Variants in TMEM233 observed in about 807,000 individuals in gnomAD.
TMEM233 encodes the protein dispanin subfamily B member 2.
TMEM233 carries 6 observed loss-of-function variants against 11.2 expected under a neutral mutation model. The observed-to-expected ratio is 0.54, with a 90% CI of 0.29 to 1.06. The LOEUF (loss-of-function observed/expected upper bound fraction) is 1.06, where lower values mean the gene tolerates loss of function less well. Among genes scored for constraint, TMEM233 ranks in the 50% least tolerant of loss-of-function variants. The pLI is 0.08. For missense variants in TMEM233, 127 were observed against 144.7 expected (o/e 0.88, Z 0.63); for synonymous variants, 59 against 55.8 (o/e 1.06, Z -0.26).
In TMEM233 at chr12:119,593,874, A is replaced by G; in HGVS notation, c.26A>G (p.Asp9Gly). 1 of 1,551,620 alleles carries G rather than the reference A, an allele frequency of 6.4e-7. No individual in the cohort carries two copies. Among genetic ancestry groups the G allele is most frequent in the Non-Finnish European group, 8.7e-7 (1 of 1,146,952 alleles). MSQYAPSP[D>G]FKRALDSSPE... Reference sequence around the variant, plus strand: ...ATGTCTCAGTACGCCCCTAGCCCGGACTTCAAGAGGGCTTTGGACAGCAGT... The same window carrying G: ...ATGTCTCAGTACGCCCCTAGCCCGGGCTTCAAGAGGGCTTTGGACAGCAGT... The change falls in exon 1 of 3, where the codon GAC becomes GGC. Residue 9 changes from aspartate to glycine, a missense_variant. Coordinates refer to ENST00000426426, the MANE Select transcript of TMEM233 (RefSeq NM_001136534.3). The surrounding 1 kb of genome is among the most constrained non-coding windows in gnomAD (Gnocchi z 4.1).
chr12:119,653,612 TA>T, the TMEM233 span, among the ~76,000 whole-genome samples: 20 of 151,066 alleles, frequency 1.3e-4, no homozygotes, highest in Middle Eastern at 3.4e-3. Flanking sequence ...CTATGCAATG[TA>T]AAAAAAAATT....
intron 1 of TMEM233, among the ~76,000 whole-genome samples, chr12:119,604,832 C>G (rs1296579427): frequency 1.3e-5 from 2 of 152,034 alleles, no homozygotes; most frequent in Admixed American, 6.5e-5. Context: ...CAGGGTCTCC[C>G]TGTGTTGCCC....
intron 2 of TMEM233, among the ~76,000 whole-genome samples, chr12:119,634,039 C>A (rs1182163743): frequency 6.6e-6 from 1 of 152,220 alleles, no homozygotes; most frequent in Non-Finnish European, 1.5e-5. Context: ...TGGCAAATAT[C>A]CTGCCACCAA....
chr12:119,605,409 C>CTTT (rs6144897), intron 1 of TMEM233, among the ~76,000 whole-genome samples: 1 of 93,642 alleles, frequency 1.1e-5, no homozygotes, highest in African/African-American at 3.7e-5. Context: ...TATGCCTTTC[C>CTTT]TTTTTTTTTT....
At chr12:119,627,529 G>C (rs1247461458) in intron 1 of TMEM233, among the ~76,000 whole-genome samples, 1 of 152,170 alleles carries the variant, frequency 6.6e-6, no homozygotes, top group Non-Finnish European at 1.5e-5. Flanking sequence ...CATGTGGCAA[G>C]ACAGAGAGAG....
chr12:119,602,000 C>G (rs889017238), intron 1 of TMEM233, among the ~76,000 whole-genome samples: 1 of 152,180 alleles, frequency 6.6e-6, no homozygotes, highest in East Asian at 1.9e-4. Flanking sequence ...GGATGGTTGG[C>G]CTGAAGGCTT....
intron 1 of TMEM233, among the ~76,000 whole-genome samples, chr12:119,604,972 T>G (rs1954239852): frequency 6.7e-6 from 1 of 148,882 alleles, no homozygotes. Flanking sequence ...GCCAAACTTT[T>G]GCTAATTTCC....
the TMEM233 span, among the ~76,000 whole-genome samples, chr12:119,651,980 G>T: frequency 6.6e-6 from 1 of 151,834 alleles, no homozygotes; most frequent in African/African-American, 2.4e-5. Flanking sequence ...ATCAACAAAA[G>T]CATAGGAAAC....
chr12:119,596,184 A>C (rs1209852961), intron 1 of TMEM233, among the ~76,000 whole-genome samples: 2 of 152,140 alleles, frequency 1.3e-5, no homozygotes, highest in Non-Finnish European at 2.9e-5. Context: ...CAAATTCTCC[A>C]GGCAGCAGCA....
intron 1 of TMEM233, among the ~76,000 whole-genome samples, chr12:119,598,288 T>A (rs1954088934): frequency 6.6e-6 from 1 of 152,170 alleles, no homozygotes; most frequent in Non-Finnish European, 1.5e-5. Flanking sequence ...TGTCTATTGG[T>A]TTTGTAGCTG....
At chr12:119,618,106 A>C (rs1954572326) in intron 1 of TMEM233, among the ~76,000 whole-genome samples, 1 of 152,226 alleles carries the variant, frequency 6.6e-6, no homozygotes, top group South Asian at 2.1e-4. Context: ...AAAGGAGCCA[A>C]GGTACAGCTT....
At chr12:119,631,579 G>C (rs778132096) in intron 2 of TMEM233, 9 of 985,092 alleles carry the variant, frequency 9.1e-6, no homozygotes, top group Non-Finnish European at 1.1e-5. Context: ...TGAAGAGGAA[G>C]ATGGTTGGAG....
chr12:119,602,454 T>C (rs1954187318), intron 1 of TMEM233, among the ~76,000 whole-genome samples: 1 of 152,228 alleles, frequency 6.6e-6, no homozygotes, highest in Admixed American at 6.5e-5. Flanking sequence ...CCCTGTGAAT[T>C]ATTTCTTTTG....
intron 1 of TMEM233, among the ~76,000 whole-genome samples, chr12:119,618,080 G>T: frequency 6.6e-6 from 1 of 152,222 alleles, no homozygotes; most frequent in East Asian, 1.9e-4. Context: ...AGCTGTTTCA[G>T]CCCCAACTGT....
downstream of TMEM233, among the ~76,000 whole-genome samples, chr12:119,644,541 G>T (rs1169140911): frequency 6.9e-6 from 1 of 144,588 alleles, no homozygotes; most frequent in African/African-American, 2.6e-5. Context: ...GCAATGGCAC[G>T]ATCTCTGCTC....
At chr12:119,647,017 C>T (rs1211048262), downstream of TMEM233, among the ~76,000 whole-genome samples, 1 of 152,192 alleles carries the variant, frequency 6.6e-6, no homozygotes, top group African/African-American at 2.4e-5. Flanking sequence ...CTGCTGAAAC[C>T]CAACCCACAC....
the TMEM233 span, among the ~76,000 whole-genome samples, chr12:119,650,185 T>C: frequency 6.6e-6 from 1 of 151,650 alleles, no homozygotes; most frequent in Non-Finnish European, 1.5e-5. Context: ...TGGGTAACTA[T>C]AATAACAAAC....
chr12:119,625,019 C>G (rs938687562), intron 1 of TMEM233, among the ~76,000 whole-genome samples: 9 of 152,030 alleles, frequency 5.9e-5, no homozygotes, highest in African/African-American at 1.7e-4. Flanking sequence ...ACTTAGAATT[C>G]AGGAACTCAC....
intron 1 of TMEM233, among the ~76,000 whole-genome samples, chr12:119,610,654 C>T (rs1031134662): frequency 6.6e-6 from 1 of 152,240 alleles, no homozygotes; most frequent in Non-Finnish European, 1.5e-5. Context: ...TCACTTGGCA[C>T]TCATTCTCTC....
Sources: allele counts gnomAD v4.1 joint callset (sites outside exome capture counted in the v4.1 genomes callset), GRCh38; gene constraint gnomAD v4.1.1; non-coding constraint Gnocchi (gnomAD v3.1); transcripts MANE v1.5; gene names NCBI Gene and HGNC (gene_info 2026-07-23, HGNC 2026-07-21).